Variants in BCAR1 observed in about 807,000 individuals in gnomAD.
BCAR1 encodes BCAR1 scaffold protein, Cas family member.
Under a neutral mutation model 67.6 loss-of-function variants are expected in BCAR1, and 30 were observed. The observed-to-expected ratio is 0.44, with a 90% CI of 0.33 to 0.60. The LOEUF is 0.60. BCAR1 is among the 20% of genes least tolerant of loss of function. The probability of loss-of-function intolerance (pLI) is 0.02; values close to 1 mark genes in which losing one functional copy is unlikely to be tolerated. For missense variants in BCAR1, 1,313 were observed against 1,222.3 expected, an observed-to-expected ratio of 1.07 and a Z score of -1.11; for synonymous variants, 626 against 556.7, an observed-to-expected ratio of 1.12 and a Z score of -1.75.
upstream of BCAR1, among the ~76,000 whole-genome samples, chr16:75,253,934 C>A (rs117683542): frequency 5.3e-5 from 8 of 152,020 alleles, no homozygotes; most frequent in Non-Finnish European, 7.4e-5. Context: ...TTTGTGCACA[C>A]AGCAATCCTG....
In BCAR1 at chr16:75,235,809, C is replaced by T. The variant is rs368083899; in HGVS notation, c.1090G>A (p.Val364Met). The change falls in exon 5 of 7, where the codon GTG becomes ATG. Residue 364 changes from valine to methionine, a missense_variant. Physicochemically the swap from Val to Met is conservative, Grantham distance 21. Coordinates refer to ENST00000162330, the MANE Select transcript of BCAR1 (RefSeq NM_014567.5). ...TAGAGGTCAGGAGCCGGGGGCGGCA[C>T]GTCATACACGTCCTCGGCCGGCGGG... is the stretch of plus-strand genomic sequence containing the variant. ...DSPPAEDVYDVPPPAPDLYDV... is the reference protein window; with the variant it reads ...DSPPAEDVYDMPPPAPDLYDV... 4.4e-5 allele frequency: 70 copies of T among 1,589,312 alleles called. No individual in the cohort carries two copies. Among genetic ancestry groups the T allele is most frequent in the Non-Finnish European group, 5.5e-5 (64 of 1,168,040 alleles).
rs1307514159 is a variant in BCAR1 at position 75,235,560 on chromosome 16, C to T, written c.1339G>A (p.Ala447Thr). ...TCCAGGGGTTCCCGGCCCGGCCCTG[C>T]CACCTCCAAGGAGGACGCAGACTGG... ...SSQSASSLEV[A>T]GPGREPLELE... is the part of the protein sequence containing the mutation. Residue 447 changes from alanine (A) to threonine (T), a missense_variant, in exon 5 of 7, where the codon GCA becomes ACA. Physicochemically the swap from Ala to Thr is moderately conservative, Grantham distance 58. Coordinates refer to ENST00000162330, the MANE Select transcript of BCAR1 (RefSeq NM_014567.5). The T allele has an allele frequency of 6.3e-7, 1 of 1,595,486 alleles. No homozygotes were observed. Among genetic ancestry groups the T allele is most frequent in the Non-Finnish European group, 8.5e-7 (1 of 1,171,692 alleles).
intron 4 of BCAR1, 172 bp from the exon 5 acceptor site, chr16:75,236,158 A>G: frequency 2.6e-6 from 2 of 759,990 alleles, no homozygotes; most frequent in Admixed American, 2.9e-5. Context: ...GCACACAGGC[A>G]CACACACGCG....
chr16:75,238,798 G>A (rs1471295001), intron 2 of BCAR1: 10 of 985,444 alleles, frequency 1.0e-5, no homozygotes, highest in Non-Finnish European at 1.2e-5. Flanking sequence ...GCAGGGACCT[G>A]CCAACAGCGG....
At chr16:75,251,750 G>A (rs1019457816), upstream of BCAR1, 37 of 909,360 alleles carry the variant, frequency 4.1e-5, 1 homozygote, top group Admixed American at 1.1e-3. Context: ...GCGCGGGCGC[G>A]CAGACAGAAG....
chr16:75,235,243 G>T lies in BCAR1; in HGVS notation c.1656C>A (p.His552Gln). 6.2e-7 allele frequency: 1 copy of T among 1,606,912 alleles called. No homozygotes were observed. The highest frequency in any genetic ancestry group is 8.5e-7 in the Non-Finnish European group (1 of 1,175,540). Residue 552 changes from histidine to glutamine, a missense_variant, in exon 5 of 7, where the codon CAC (histidine) becomes CAA (glutamine). Physicochemically the swap from His to Gln is conservative, Grantham distance 24 (BLOSUM62 0). This residue lies in a region of BCAR1 where 1,272 missense variants were observed against 1,137.5 expected (regional missense o/e 1.12). Transcript: ENST00000162330. ...CCTGACCATGTGCCACCAGCGTCTG[G>T]TGCACGTCCTCCATCTTCTGCAGCT... ...SRQLQKMEDV[H>Q]QTLVAHGQAL...
chr16:75,230,083 C>T (rs371575788), intron 6 of BCAR1, 60 bp from the exon 7 acceptor site: 410 of 1,507,220 alleles, frequency 2.7e-4, no homozygotes, highest in Non-Finnish European at 3.3e-4. Flanking sequence ...AACTACAGGC[C>T]GAGACCTGGG....
intron 6 of BCAR1, among the ~76,000 whole-genome samples, chr16:75,231,633 T>G (rs564905875): frequency 2.0e-5 from 3 of 152,224 alleles, no homozygotes; most frequent in Non-Finnish European, 4.4e-5. Flanking sequence ...TTCTTGCCCT[T>G]TAATCCAGCT....
chr16:75,240,650 A>G (rs531281852), intron 2 of BCAR1, among the ~76,000 whole-genome samples: 27 of 152,360 alleles, frequency 1.8e-4, no homozygotes, highest in Admixed American at 2.6e-4. Flanking sequence ...TGCATTTTCT[A>G]CAGCAAACAA....
intron 1 of BCAR1, chr16:75,247,717 A>G (rs2077561669): frequency 3.4e-6 from 1 of 298,162 alleles, no homozygotes; most frequent in African/African-American, 2.1e-5. Context: ...GCCAGCCCAA[A>G]CCAACTGCAG....
Position 75,235,996 on chromosome 16 carries a change from A to G in BCAR1, c.913-10T>C, listed in dbSNP as rs1203210986. The G allele has an allele frequency of 1.3e-6, 2 of 1,562,642 alleles. No individual in the cohort carries two copies. ...GAGGAACGTCGTAGACCTGGGGGAC[A>G]AGCGGTGGTCAAGACTGTCCATCTG... On this transcript the variant is annotated splice_polypyrimidine_tract_variant and intron_variant, in intron 4 of 6. Transcript: ENST00000162330.
intron 1 of BCAR1, chr16:75,243,478 C>G (rs770185765): frequency 3.7e-6 from 2 of 543,284 alleles, no homozygotes; most frequent in East Asian, 9.9e-5. Context: ...GCAAATGGTT[C>G]TCTCTCGAGG....
intron 2 of BCAR1, 100 bp from the exon 3 acceptor site, chr16:75,237,444 C>A: frequency 7.4e-7 from 1 of 1,349,310 alleles, no homozygotes; most frequent in African/African-American, 1.5e-5. Flanking sequence ...GTGGGCAGGG[C>A]ACACCAGGTG....
chr16:75,235,758 G>C lies in BCAR1; in HGVS notation c.1141C>G (p.Pro381Ala), dbSNP rs1388099886. Residue 381 changes from proline to alanine, a missense_variant, in exon 5 of 7, where the codon CCT (proline) becomes GCT (alanine). Transcript: ENST00000162330. The part of the protein sequence containing the change: ...LYDVPPGLRR[P>A]GPGTLYDVPR... ...ACATCGTACAGGGTGCCCGGGCCAGGCCGCCGCAAGCCAGGGGGCACGTCG... is the reference window on the plus strand; with the variant it reads ...ACATCGTACAGGGTGCCCGGGCCAGCCCGCCGCAAGCCAGGGGGCACGTCG... 6.3e-7 allele frequency: 1 copy of C among 1,591,344 alleles called. No homozygotes were observed. The highest frequency in any genetic ancestry group is 8.6e-7 in the Non-Finnish European group (1 of 1,168,762).
chr16:75,235,260 T>C lies in BCAR1; in HGVS notation c.1639A>G (p.Lys547Glu). 2 of 1,606,302 alleles carry C rather than the reference T, an allele frequency of 1.2e-6. No homozygotes were observed. Among genetic ancestry groups the C allele is most frequent in the Non-Finnish European group, 1.7e-6 (2 of 1,174,754 alleles). The part of the protein sequence containing the change: ...LHAKLSRQLQ[K>E]MEDVHQTLVA... The stretch of plus-strand genomic sequence containing the variant: ...AGCGTCTGGTGCACGTCCTCCATCT[T>C]CTGCAGCTGCCGGCTAAGCTTGGCA... Residue 547 changes from lysine (K) to glutamate (E), a missense_variant, in exon 5 of 7, where the codon AAG (lysine) becomes GAG (glutamate). Physicochemically the swap from Lys to Glu is moderately conservative, Grantham distance 56 (BLOSUM62 1). This residue lies in a region of BCAR1 where 1,272 missense variants were observed against 1,137.5 expected (regional missense o/e 1.12). Transcript: ENST00000162330.
chr16:75,261,125 G>C (rs983393810), intron 1 of BCAR1, among the ~76,000 whole-genome samples: 1 of 152,176 alleles, frequency 6.6e-6, no homozygotes, highest in East Asian at 1.9e-4. Flanking sequence ...CTTCTGCCGA[G>C]GTCCCCAACC....
intron 1 of BCAR1, chr16:75,247,588 A>T (rs1266395372): frequency 6.0e-6 from 1 of 167,108 alleles, no homozygotes; most frequent in Admixed American, 5.8e-5. Flanking sequence ...GCTGTCCCCA[A>T]ACTCCTTCTC....
chr16:75,241,000 C>A (rs1399646905), intron 2 of BCAR1, among the ~76,000 whole-genome samples: 1 of 152,248 alleles, frequency 6.6e-6, no homozygotes, highest in East Asian at 1.9e-4. Context: ...AGCTTCACTG[C>A]AAAGGCGGGA....
chr16:75,229,738 C>T lies in BCAR1; in HGVS notation c.2386G>A (p.Gly796Arg), dbSNP rs1214097619. 1.2e-6 allele frequency: 2 copies of T among 1,613,354 alleles called. No individual in the cohort carries two copies. Among genetic ancestry groups the T allele is most frequent in the Non-Finnish European group, 1.7e-6 (2 of 1,179,970 alleles). The change falls in exon 7 of 7, where the codon GGG becomes AGG. Residue 796 changes from glycine to arginine, a missense_variant. Gly to Arg is a moderately radical substitution (Grantham distance 125). Transcript: ENST00000162330. ...TTGGCCTGCCGTGACAGTGTGTCCC[C>T]GATGAACACCAGCTTGTGGGCGCTG... ...ILSAHKLVFI[G>R]DTLSRQAKAA...
Sources: allele counts gnomAD v4.1 joint callset (sites outside exome capture counted in the v4.1 genomes callset), GRCh38; gene constraint gnomAD v4.1.1; regional missense constraint gnomAD v4.1.1; transcripts MANE v1.5; gene names NCBI Gene and HGNC (gene_info 2026-07-23, HGNC 2026-07-21).